The following LMBR1 variants were observed in gnomAD, a reference collection of about 807,000 sequenced individuals.
The protein encoded by LMBR1 is limb region 1 protein homolog.
A neutral mutation model predicts 73.9 loss-of-function variants in LMBR1; 52 were observed. The ratio of observed to expected loss-of-function variants is 0.70; its 90% CI spans 0.56 to 0.89. The LOEUF is 0.89. Among genes scored for constraint, LMBR1 ranks in the 40% least tolerant of loss-of-function variants. The pLI, the probability that LMBR1 is intolerant of heterozygous loss-of-function variation, is 0.00. For synonymous variants in LMBR1, 215 were observed against 209.4 expected, an observed-to-expected ratio of 1.03 and a Z score of -0.23; for missense variants, 539 against 579.8, an observed-to-expected ratio of 0.93 and a Z score of 0.72.
rs80217845 is a variant in LMBR1, at chr7:156,730,589, G to C, written c.839-1869C>G. On this transcript the variant is annotated intron_variant, in intron 10 of 16. Transcript: ENST00000353442. The stretch of plus-strand genomic sequence containing the variant: ...CCCAAAAAGAAGAAAACACCATGCA[G>C]AGTTTCTATAGTTTTGTATAAGAAA... 8.7e-3 allele frequency among the ~76,000 whole-genome samples: 1,326 copies of C among 152,276 alleles called. 21 individuals are homozygous for C. Among genetic ancestry groups the C allele is most frequent in the Middle Eastern group, 0.037 (11 of 294 alleles).
chr7:156,855,294 C>G (rs1251887863), intron 1 of LMBR1, among the ~76,000 whole-genome samples: 1 of 152,028 alleles, frequency 6.6e-6, no homozygotes, highest in Non-Finnish European at 1.5e-5. Flanking sequence ...CATCAGTAGA[C>G]TAGACACCTG....
At chr7:156,855,212 G>C (rs558164979) in intron 1 of LMBR1, among the ~76,000 whole-genome samples, 1 of 152,184 alleles carries the variant, frequency 6.6e-6, no homozygotes, top group Non-Finnish European at 1.5e-5. Flanking sequence ...ACATGGAAAT[G>C]TTAAGAATAA....
At chr7:156,710,302 T>C (rs1811817593) in intron 15 of LMBR1, among the ~76,000 whole-genome samples, 1 of 152,174 alleles carries the variant, frequency 6.6e-6, no homozygotes, top group Admixed American at 6.5e-5. Context: ...TGAAAAATTC[T>C]TCAGAGAAAT....
chr7:156,790,018 T>TA (rs1828919126), intron 5 of LMBR1, among the ~76,000 whole-genome samples: 1 of 152,074 alleles, frequency 6.6e-6, no homozygotes, highest in Non-Finnish European at 1.5e-5. Flanking sequence ...TATCAAACAT[T>TA]ATGAGACATT....
intron 4 of LMBR1, among the ~76,000 whole-genome samples, chr7:156,802,634 T>A (rs1369019883): frequency 2.6e-5 from 4 of 152,180 alleles, no homozygotes; most frequent in Admixed American, 2.6e-4. Context: ...TAAAATAAGC[T>A]ACACATGGAG....
chr7:156,891,707 G>C (rs1278537854), intron 1 of LMBR1, among the ~76,000 whole-genome samples: 1 of 152,118 alleles, frequency 6.6e-6, no homozygotes, highest in Non-Finnish European at 1.5e-5. Flanking sequence ...GTACACAGGC[G>C]TGTTTAGTAT....
intron 1 of LMBR1, among the ~76,000 whole-genome samples, chr7:156,878,934 A>G (rs1800631620): frequency 6.6e-6 from 1 of 152,336 alleles, no homozygotes; most frequent in African/African-American, 2.4e-5. Context: ...AAAGCAAACA[A>G]AAACATAAAG....
chr7:156,767,258 C>T lies in LMBR1; in HGVS notation c.424-3463G>A, dbSNP rs145646008. Among the ~76,000 whole-genome samples the T allele has an allele frequency of 9.9e-4, 150 of 152,236 alleles. No individual in the cohort carries two copies. The East Asian group carries it at 0.025, about 25-fold the overall frequency. On this transcript the variant is annotated intron_variant, in intron 5 of 16. Coordinates refer to ENST00000353442, the MANE Select transcript of LMBR1 (RefSeq NM_022458.4). ...TGAGTACAGGAGCCCACGTCACCAT[C>T]CTACCTGGTCCTTCACAAAGGACTG... is the stretch of plus-strand genomic sequence containing the variant.
At chr7:156,689,797 A>G (rs1234532580) in intron 15 of LMBR1, among the ~76,000 whole-genome samples, 7 of 152,226 alleles carry the variant, frequency 4.6e-5, no homozygotes, top group Admixed American at 4.6e-4. Flanking sequence ...TCAGCTATTC[A>G]TATTAATAAA....
intron 15 of LMBR1, among the ~76,000 whole-genome samples, chr7:156,718,640 G>A (rs1813764976): frequency 6.6e-6 from 1 of 152,112 alleles, no homozygotes; most frequent in African/African-American, 2.4e-5. Context: ...GGGAGGCTGA[G>A]GTGGGAGGAC....
chr7:156,796,317 T>C, intron 5 of LMBR1, 72 bp downstream of exon 5: 1 of 978,266 alleles, frequency 1.0e-6, no homozygotes, highest in Non-Finnish European at 1.5e-6. Context: ...TAAGTCTGCT[T>C]TTTCTAGTTC....
intron 4 of LMBR1, among the ~76,000 whole-genome samples, chr7:156,671,364 A>C (rs1205029729): frequency 6.6e-6 from 1 of 152,206 alleles, no homozygotes; most frequent in Non-Finnish European, 1.5e-5. Context: ...TATATGTACT[A>C]TAATATACAC....
At chr7:156,752,761 C>CTAT (rs547125561) in intron 9 of LMBR1, among the ~76,000 whole-genome samples, 76 of 152,186 alleles carry the variant, frequency 5.0e-4, no homozygotes, top group African/African-American at 1.8e-3. Context: ...ATATTGGTCA[C>CTAT]ATATATAAAG....
intron 1 of LMBR1, among the ~76,000 whole-genome samples, chr7:156,880,403 T>C (rs377024623): frequency 8.5e-5 from 13 of 152,242 alleles, no homozygotes; most frequent in African/African-American, 1.4e-4. Flanking sequence ...CAGTGTATAC[T>C]GCTTGTGTGA....
chr7:156,892,755 G>A (rs1420444339), intron 1 of LMBR1, among the ~76,000 whole-genome samples, 173 bp downstream of exon 1: 4 of 120,926 alleles, frequency 3.3e-5, no homozygotes, highest in African/African-American at 1.2e-4. Context: ...GGTGGGGAGG[G>A]AAGGGGAGGG....
chr7:156,833,658 T>C, intron 3 of LMBR1, 95 bp downstream of exon 3: 2 of 873,992 alleles, frequency 2.3e-6, no homozygotes, highest in Non-Finnish European at 3.7e-6. Context: ...GCTGGGTGAA[T>C]ATTTTCCATA....
intron 4 of LMBR1, among the ~76,000 whole-genome samples, chr7:156,800,482 C>CAAAAAAAATAAAAAAAAA (rs1830761037): frequency 1.2e-5 from 1 of 81,034 alleles, no homozygotes; most frequent in Non-Finnish European, 2.4e-5. Flanking sequence ...ACTTGCTACT[C>CAAAAAAAATAAAAAAAAA]AAAAAAAAAA....
At chr7:156,684,884 C>G (rs1299662273) in intron 16 of LMBR1, among the ~76,000 whole-genome samples, 1 of 152,094 alleles carries the variant, frequency 6.6e-6, no homozygotes, top group Non-Finnish European at 1.5e-5. Flanking sequence ...TTGAGCTCAG[C>G]AGGTTGTGAC....
intron 9 of LMBR1, among the ~76,000 whole-genome samples, chr7:156,739,537 T>A (rs1468127646): frequency 2.0e-5 from 3 of 152,192 alleles, no homozygotes; most frequent in African/African-American, 7.2e-5. Context: ...GTAGTCCCAG[T>A]GTTGGTGGCC....
Sources: gnomAD v4.1 joint callset for allele counts (sites outside exome capture counted in the v4.1 genomes callset) on GRCh38, gnomAD v4.1.1 for gene constraint, MANE v1.5 for transcripts, NCBI Gene and HGNC (gene_info 2026-07-23, HGNC 2026-07-21) for gene names.